Variants in CCNY observed in about 807,000 individuals in gnomAD.
CCNY encodes cyclin-Y.
CCNY carries 19 observed loss-of-function variants against 42.8 expected under a neutral mutation model. The ratio of observed to expected loss-of-function variants is 0.44; its 90% CI spans 0.31 to 0.65. The LOEUF (loss-of-function observed/expected upper bound fraction) is 0.65, where lower values mean the gene tolerates loss of function less well. CCNY is among the 30% of genes least tolerant of loss of function. The pLI, the probability that CCNY is intolerant of heterozygous loss-of-function variation, is 0.07. For synonymous variants in CCNY, 165 were observed against 162.7 expected (o/e 1.01, Z -0.11); for missense variants, 370 against 437.3 (o/e 0.85, Z 1.37).
intron 1 of CCNY, among the ~76,000 whole-genome samples, chr10:35,471,762 A>G (rs189798407): frequency 1.3e-5 from 2 of 152,182 alleles, no homozygotes. Flanking sequence ...CTTAATAGGT[A>G]TCAACATCAT....
intron 1 of CCNY, among the ~76,000 whole-genome samples, chr10:35,476,290 G>T (rs577823698): frequency 1.3e-5 from 2 of 152,224 alleles, no homozygotes; most frequent in South Asian, 2.1e-4. Context: ...AGACCTAATA[G>T]ACATCTACAG....
intron 4 of CCNY, 122 bp from the exon 5 acceptor site, chr10:35,525,842 G>A (rs1840641174): frequency 2.5e-6 from 2 of 813,976 alleles, no homozygotes; most frequent in Non-Finnish European, 3.9e-6. Context: ...AGATGGGACT[G>A]TTCAGAAAGA....
At chr10:35,521,222 T>A (rs1380713495) in intron 4 of CCNY, among the ~76,000 whole-genome samples, 2 of 152,238 alleles carry the variant, frequency 1.3e-5, no homozygotes, top group African/African-American at 4.8e-5. Context: ...AGTCCAAATG[T>A]TTTGTTCCCT....
chr10:35,337,277 C>T, intron 1 of CCNY, 70 bp downstream of exon 1: 5 of 1,374,244 alleles, frequency 3.6e-6, no homozygotes, highest in Non-Finnish European at 2.9e-6. Flanking sequence ...TCGGGGCGGC[C>T]CGGCTGCTCT....
At chr10:35,302,760 T>A (rs1256208847) in intron 3 of CCNY, among the ~76,000 whole-genome samples, 1 of 152,188 alleles carries the variant, frequency 6.6e-6, no homozygotes, top group African/African-American at 2.4e-5. Flanking sequence ...ATTTCTCAAT[T>A]AGTAGCAAGA....
intron 9 of CCNY, among the ~76,000 whole-genome samples, chr10:35,567,405 T>C (rs944830964): frequency 2.6e-5 from 4 of 152,238 alleles, no homozygotes; most frequent in African/African-American, 4.8e-5. Flanking sequence ...GGGTGGTAAT[T>C]AAGCAGGATC....
intron 3 of CCNY, among the ~76,000 whole-genome samples, chr10:35,516,298 A>C (rs1840424501): frequency 6.6e-6 from 1 of 152,162 alleles, no homozygotes; most frequent in Non-Finnish European, 1.5e-5. Context: ...CTGATGCAGG[A>C]AGTTAGGGAC....
chr10:35,330,712 GC>G (rs1160250786), intron 3 of CCNY, among the ~76,000 whole-genome samples: 1 of 151,878 alleles, frequency 6.6e-6, no homozygotes, highest in Non-Finnish European at 1.5e-5. Flanking sequence ...TAGAATTCCA[GC>G]TATCCTGACC....
chr10:35,481,441 GA>G (rs756086822), intron 1 of CCNY, among the ~76,000 whole-genome samples: 4 of 152,210 alleles, frequency 2.6e-5, no homozygotes, highest in Non-Finnish European at 4.4e-5. Flanking sequence ...TTCCAAACAG[GA>G]AAGCTTCACA....
At chr10:35,269,269 ACTTCCTTCCTTC>A (rs68028146) in intron 3 of CCNY, among the ~76,000 whole-genome samples, 98 of 149,550 alleles carry the variant, frequency 6.6e-4, no homozygotes, top group East Asian at 2.4e-3. Context: ...CAAATAATCT[ACTTCCTTCCTTC>A]CTTCCTTCCT....
chr10:35,456,771 TC>T lies in CCNY; in HGVS notation c.155-26630del, dbSNP rs202210683. 6.8e-3 allele frequency among the ~76,000 whole-genome samples: 1,032 copies of T among 152,296 alleles called. 11 individuals are homozygous for T. The highest frequency in any genetic ancestry group is 0.024 in the African/African-American group (986 of 41,540). On this transcript the variant is annotated intron_variant, in intron 1 of 9. Coordinates refer to ENST00000374704, the MANE Select transcript of CCNY (RefSeq NM_145012.6). ...TAGGAAATACATTTTAGATTTTTTT[TC>T]CCTTAAAATATATATCAGGTCTGAA...
intron 1 of CCNY, among the ~76,000 whole-genome samples, chr10:35,421,076 C>A (rs910295206): frequency 6.6e-6 from 1 of 152,122 alleles, no homozygotes; most frequent in African/African-American, 2.4e-5. Flanking sequence ...ATGCCAGTGC[C>A]GGCTCTGCTT....
chr10:35,568,896 TCTCC>T (rs1432594283), intron 9 of CCNY, among the ~76,000 whole-genome samples, 154 bp from the exon 10 acceptor site: 2 of 152,198 alleles, frequency 1.3e-5, no homozygotes, highest in Non-Finnish European at 2.9e-5. Context: ...TCCCTTCGTA[TCTCC>T]CTGCTGCCAG....
chr10:35,483,457 C>T lies in CCNY; in HGVS notation c.208C>T (p.Leu70Phe), dbSNP rs1839718158. The T allele has an allele frequency of 6.2e-7, 1 of 1,606,160 alleles. No individual in the cohort carries two copies. Among genetic ancestry groups the T allele is most frequent in the Non-Finnish European group, 8.5e-7 (1 of 1,173,710 alleles). The change falls in exon 2 of 10, where the codon CTC becomes TTC. Residue 70 changes from leucine to phenylalanine, a missense_variant. This residue lies in a region of CCNY where 136 missense variants were observed against 124.2 expected (regional missense o/e 1.09). Transcript: ENST00000374704. The stretch of plus-strand genomic sequence containing the variant: ...TCATCCTCGGGCCAGCACAATATTC[C>T]TCAGTAAATCTCAGACGGACGGTAG... ...SDHPRASTIF[L>F]SKSQTDVREK...
chr10:35,520,890 G>A (rs893225384), intron 4 of CCNY, among the ~76,000 whole-genome samples: 1 of 152,134 alleles, frequency 6.6e-6, no homozygotes, highest in Non-Finnish European at 1.5e-5. Context: ...AGCATAAGAT[G>A]ATGATCAAAG....
At chr10:35,552,874 C>T in intron 7 of CCNY, 145 bp from the exon 8 acceptor site, 1 of 791,486 alleles carries the variant, frequency 1.3e-6, no homozygotes, top group Non-Finnish European at 2.0e-6. Context: ...CTCATTGAGT[C>T]ATTTGGCCTT....
chr10:35,421,415 C>G (rs1427311634), intron 1 of CCNY, among the ~76,000 whole-genome samples: 1 of 152,204 alleles, frequency 6.6e-6, no homozygotes, highest in Admixed American at 6.5e-5. Context: ...CGCGGGTTCA[C>G]TGGATCAGTG....
intron 3 of CCNY, among the ~76,000 whole-genome samples, chr10:35,303,777 CAAAA>C (rs755443366): frequency 1.2e-4 from 6 of 48,522 alleles, no homozygotes; most frequent in East Asian, 1.5e-3. Flanking sequence ...AACTCCGTCT[CAAAA>C]AAAAAAAAAA....
At chr10:35,462,104 A>G (rs1341015667) in intron 1 of CCNY, among the ~76,000 whole-genome samples, 1 of 152,230 alleles carries the variant, frequency 6.6e-6, no homozygotes, top group African/African-American at 2.4e-5. Context: ...CATGTCAGCC[A>G]TAAACCTCTG....
Sources: gnomAD v4.1 joint callset for allele counts (sites outside exome capture counted in the v4.1 genomes callset) on GRCh38, gnomAD v4.1.1 for gene constraint, gnomAD v4.1.1 regional missense constraint, MANE v1.5 for transcripts, NCBI Gene and HGNC (gene_info 2026-07-23, HGNC 2026-07-21) for gene names.